Variants in FAM110B observed in about 807,000 individuals in gnomAD.
The protein encoded by FAM110B is protein FAM110B.
Under a neutral mutation model 20.4 loss-of-function variants are expected in FAM110B, and 6 were observed. The ratio of observed to expected loss-of-function variants is 0.29; its 90% CI spans 0.16 to 0.58. The LOEUF is 0.58. Among genes scored for constraint, FAM110B ranks in the 20% least tolerant of loss-of-function variants. The probability of loss-of-function intolerance (pLI) is 0.90; values close to 1 mark genes in which losing one functional copy is unlikely to be tolerated. For synonymous variants in FAM110B, 226 were observed against 214.1 expected, an observed-to-expected ratio of 1.06 and a Z score of -0.49; for missense variants, 434 against 498.2, an observed-to-expected ratio of 0.87 and a Z score of 1.23.
intron 3 of FAM110B, among the ~76,000 whole-genome samples, chr8:58,081,673 G>A (rs1251515556): frequency 6.6e-6 from 1 of 152,102 alleles, no homozygotes; most frequent in East Asian, 1.9e-4. Context: ...TACACACCTG[G>A]TTCCTCAGAG....
intron 3 of FAM110B, among the ~76,000 whole-genome samples, chr8:58,081,185 T>C (rs1472247489): frequency 5.3e-5 from 8 of 152,148 alleles, no homozygotes; most frequent in Non-Finnish European, 1.2e-4. Flanking sequence ...CACCAGTCCA[T>C]GTAAGAGGCA....
rs16922986 is a variant in FAM110B, at chr8:58,069,562, A to G, written c.-413-5973A>G. Among the ~76,000 whole-genome samples, 1,185 of 152,280 alleles carry G rather than the reference A, an allele frequency of 7.8e-3. 41 individuals carry two copies. The East Asian group carries it at 0.09, about 12-fold the overall frequency. On this transcript the variant is annotated intron_variant, in intron 2 of 3. Coordinates refer to ENST00000519262, the MANE Select transcript of FAM110B (RefSeq NM_001377989.1). The stretch of plus-strand genomic sequence containing the variant: ...AATGTGTTTAATTTTTCCTTTTACA[A>G]TAACTTCTGAGATCCCTTTTCTGTC...
intron 3 of FAM110B, among the ~76,000 whole-genome samples, chr8:58,091,051 A>G (rs1214053548): frequency 1.3e-5 from 2 of 152,180 alleles, no homozygotes; most frequent in Non-Finnish European, 2.9e-5. Flanking sequence ...AGGTATAGCC[A>G]TGCCTTTGCT....
chr8:58,145,070 G>A (rs115009615), intron 3 of FAM110B, among the ~76,000 whole-genome samples: 2,698 of 152,154 alleles, frequency 0.018, 70 homozygotes, highest in African/African-American at 0.057. Context: ...GAGGATTTGG[G>A]AATATACATA....
rs1046394406 is a variant in FAM110B at position 58,018,925 on chromosome 8, A to G, written c.-511-12681A>G. Reference sequence around the variant, plus strand: ...TTAAATGTAAGAATCTTACAACTGTATATTTTCCTTTACGCTCCTCCTGTC... The same window carrying G: ...TTAAATGTAAGAATCTTACAACTGTGTATTTTCCTTTACGCTCCTCCTGTC... On this transcript the variant is annotated intron_variant, in intron 1 of 3. Coordinates refer to ENST00000519262, the MANE Select transcript of FAM110B (RefSeq NM_001377989.1). Among the ~76,000 whole-genome samples the G allele has an allele frequency of 9.8e-5, 15 of 152,300 alleles. No homozygotes were observed. The East Asian group carries it at 1.2e-3, about 12-fold the overall frequency.
intron 2 of FAM110B, among the ~76,000 whole-genome samples, chr8:58,066,638 G>C (rs1360454244): frequency 6.6e-6 from 1 of 152,158 alleles, no homozygotes; most frequent in African/African-American, 2.4e-5. Flanking sequence ...TCTTGCCCCT[G>C]GTAGCCAGAA....
At chr8:58,047,186 T>C (rs1314927814) in intron 2 of FAM110B, among the ~76,000 whole-genome samples, 1 of 152,202 alleles carries the variant, frequency 6.6e-6, no homozygotes, top group Non-Finnish European at 1.5e-5. Flanking sequence ...GTGAAGACTC[T>C]TTAATAAGAA....
intron 3 of FAM110B, among the ~76,000 whole-genome samples, chr8:58,082,365 A>G (rs1806219424): frequency 6.6e-6 from 1 of 152,316 alleles, no homozygotes; most frequent in Non-Finnish European, 1.5e-5. Flanking sequence ...CTGACAGCAG[A>G]AGAAGGAGGA....
intron 1 of FAM110B, among the ~76,000 whole-genome samples, chr8:58,020,291 C>G (rs935765028): frequency 2.6e-5 from 4 of 152,136 alleles, no homozygotes; most frequent in African/African-American, 9.7e-5. Flanking sequence ...AGATTCTGTT[C>G]TTACTGACTG....
chr8:58,058,787 A>G (rs1805598511), intron 2 of FAM110B, among the ~76,000 whole-genome samples: 1 of 152,222 alleles, frequency 6.6e-6, no homozygotes, highest in Non-Finnish European at 1.5e-5. Context: ...ACTTTATAGT[A>G]ATACCATATT....
At chr8:58,135,138 C>G (rs539870220) in intron 3 of FAM110B, among the ~76,000 whole-genome samples, 4 of 152,350 alleles carry the variant, frequency 2.6e-5, no homozygotes, top group African/African-American at 9.6e-5. Context: ...CCTTGCCCCT[C>G]CATAGCTGAA....
At chr8:58,134,076 T>G in intron 3 of FAM110B, among the ~76,000 whole-genome samples, 1 of 150,616 alleles carries the variant, frequency 6.6e-6, no homozygotes, top group African/African-American at 2.4e-5. Context: ...GTGTCTTATT[T>G]TGAAGATTAT....
At chr8:58,022,231 C>A (rs551886426) in intron 1 of FAM110B, among the ~76,000 whole-genome samples, 1 of 152,348 alleles carries the variant, frequency 6.6e-6, no homozygotes, top group African/African-American at 2.4e-5. Flanking sequence ...AAGTCCTACA[C>A]CATGGACGAA....
chr8:58,044,510 C>T (rs1287415951), intron 2 of FAM110B, among the ~76,000 whole-genome samples: 1 of 152,158 alleles, frequency 6.6e-6, no homozygotes, highest in African/African-American at 2.4e-5. Flanking sequence ...CATATAAAAG[C>T]AGCAGCTACC....
At chr8:58,079,851 T>G (rs1306223373) in intron 3 of FAM110B, among the ~76,000 whole-genome samples, 1 of 152,236 alleles carries the variant, frequency 6.6e-6, no homozygotes, top group East Asian at 1.9e-4. Context: ...TCTGTGTTAC[T>G]ACCTGCATAG....
At chr8:58,116,216 G>A (rs1057003999) in intron 3 of FAM110B, among the ~76,000 whole-genome samples, 3 of 152,206 alleles carry the variant, frequency 2.0e-5, no homozygotes, top group African/African-American at 7.2e-5. Context: ...GCATTAGCCT[G>A]TTAACTGTTT....
At chr8:58,075,262 CTT>C (rs67819278) in intron 2 of FAM110B, among the ~76,000 whole-genome samples, 48 of 124,912 alleles carry the variant, frequency 3.8e-4, no homozygotes, top group African/African-American at 5.8e-4. Flanking sequence ...CTAATTTTTG[CTT>C]TTTTTTTTTT....
At chr8:58,089,894 A>G (rs933431480) in intron 3 of FAM110B, among the ~76,000 whole-genome samples, 1 of 152,224 alleles carries the variant, frequency 6.6e-6, no homozygotes, top group Non-Finnish European at 1.5e-5. Context: ...CACATGCAGT[A>G]TGATTTCTGT....
intron 3 of FAM110B, among the ~76,000 whole-genome samples, chr8:58,080,883 C>G (rs1453332382): frequency 6.6e-6 from 1 of 152,138 alleles, no homozygotes. Flanking sequence ...TATGTTTTGC[C>G]TTTACTTGAG....
Sources: gnomAD v4.1 joint callset for allele counts (sites outside exome capture counted in the v4.1 genomes callset) on GRCh38, gnomAD v4.1.1 for gene constraint, MANE v1.5 for transcripts, NCBI Gene and HGNC (gene_info 2026-07-23, HGNC 2026-07-21) for gene names.